The following NASP variants were observed in gnomAD, a reference collection of about 807,000 sequenced individuals.
NASP encodes the protein NASP histone chaperone.
A neutral mutation model predicts 89.5 loss-of-function variants in NASP; 24 were observed. The ratio of observed to expected loss-of-function variants is 0.27; its 90% CI spans 0.19 to 0.38. The LOEUF is 0.38. Among genes scored for constraint, NASP ranks in the 10% least tolerant of loss-of-function variants. The pLI, the probability that NASP is intolerant of heterozygous loss-of-function variation, is 1.00. For missense variants in NASP, 848 were observed against 921.4 expected (o/e 0.92, Z 1.03); for synonymous variants, 306 against 324.7 (o/e 0.94, Z 0.62).
In NASP at chr1:45,616,326, A is replaced by C. The variant is rs770417567; in HGVS notation, c.2023-11A>C. 1 of 1,613,658 alleles carries C rather than the reference A, an allele frequency of 6.2e-7. No homozygotes were observed. The highest frequency in any genetic ancestry group is 8.5e-7 in the Non-Finnish European group (1 of 1,179,794). On this transcript the variant is annotated splice_polypyrimidine_tract_variant and intron_variant, in intron 11 of 14. Coordinates refer to ENST00000350030, the MANE Select transcript of NASP (RefSeq NM_002482.4). ...ATCTTCAAACTAATTTGGATTTGTC[A>C]TTTCTCGCAGGTGGAGAGTTCTACT...
At chr1:45,605,703 C>G (rs1203515443) in intron 4 of NASP, 1 of 151,278 alleles carries the variant, frequency 6.6e-6, no homozygotes, top group African/African-American at 2.4e-5. Flanking sequence ...CTCAGGTGAT[C>G]CACCCACCTC....
At chr1:45,600,659 A>T (rs181436961) in intron 2 of NASP, among the ~76,000 whole-genome samples, 1 of 152,290 alleles carries the variant, frequency 6.6e-6, no homozygotes, top group African/African-American at 2.4e-5. Context: ...TTTGTGTACA[A>T]GTCTTTGTAT....
chr1:45,605,111 A>T (rs1643891172), intron 4 of NASP, 95 bp downstream of exon 4: 13 of 979,136 alleles, frequency 1.3e-5, no homozygotes, highest in Non-Finnish European at 2.1e-5. Context: ...GGTTTTACCT[A>T]GAGAGTTTTG....
chr1:45,590,543 C>G (rs1168988260), intron 1 of NASP, among the ~76,000 whole-genome samples: 1 of 135,602 alleles, frequency 7.4e-6, no homozygotes, highest in Non-Finnish European at 1.5e-5. Flanking sequence ...GAGCAAGACT[C>G]TGTCTCAAAA....
rs1238926204 is a variant in NASP at position 45,617,342 on chromosome 1, C to T, written c.2158-121C>T. On this transcript the variant is annotated intron_variant, in intron 13 of 14. Coordinates refer to ENST00000350030, the MANE Select transcript of NASP (RefSeq NM_002482.4). ...CTGCCTGTGGCTAGGGAGAGAGACC[C>T]TTAGAGCTGTGAATCCTGATGTTCA... 4.2e-6 allele frequency: 5 copies of T among 1,198,002 alleles called. No homozygotes were observed. In the South Asian group the frequency reaches 5.8e-5, roughly 14 times the overall value. The allele number at this position is 1,198,002 out of a possible 1,614,324, so 74.2% of individuals were successfully genotyped here.
chr1:45,588,161 T>C (rs894177679), intron 1 of NASP, among the ~76,000 whole-genome samples: 2 of 152,146 alleles, frequency 1.3e-5, no homozygotes, highest in East Asian at 3.9e-4. Context: ...TGGAGTGCAC[T>C]GGTGCGATCT....
rs1241119987 is a variant in NASP, at chr1:45,590,422, GGCACCGGC to G, written c.60-800_60-793del. 4.2e-4 allele frequency among the ~76,000 whole-genome samples: 63 copies of G among 151,612 alleles called. 1 individual carries two copies. In the Middle Eastern group the frequency reaches 0.028, roughly 66 times the overall value. On this transcript the variant is annotated intron_variant, in intron 1 of 14. Coordinates refer to ENST00000350030, the MANE Select transcript of NASP (RefSeq NM_002482.4). ...AGCCGGGCATGGTGGCCGGTGCACA[GGCACCGGC>G]CTGGCACCAGGCCCAGGCTGAGGCA...
At chr1:45,587,506 G>A (rs143622512) in intron 1 of NASP, among the ~76,000 whole-genome samples, 5 of 151,718 alleles carry the variant, frequency 3.3e-5, no homozygotes, top group African/African-American at 9.7e-5. Flanking sequence ...GGATGGTGCC[G>A]TGTATGGTCT....
rs1391611532 is a variant in NASP at position 45,616,521 on chromosome 1, G to A, written c.2080-105G>A. The A allele has an allele frequency of 4.7e-6, 7 of 1,494,708 alleles. No homozygotes were observed. In the African/African-American group the frequency reaches 9.7e-5, roughly 21 times the overall value. 92.6% of individuals were successfully genotyped at this position (1,494,708 alleles called of 1,614,324 possible). On this transcript the variant is annotated intron_variant, in intron 12 of 14. Coordinates refer to ENST00000350030, the MANE Select transcript of NASP (RefSeq NM_002482.4). The stretch of plus-strand genomic sequence containing the variant: ...AGGCTTGGAATTCAACACTAGCTTG[G>A]GCAACATAGTGAGACCTTGTCTCTG...
At chr1:45,614,433 C>A in intron 9 of NASP, 67 bp downstream of exon 9, 2 of 1,249,932 alleles carry the variant, frequency 1.6e-6, no homozygotes, top group Admixed American at 3.4e-5. Flanking sequence ...CTAATAGATT[C>A]TCTGGAACCG....
intron 1 of NASP, among the ~76,000 whole-genome samples, chr1:45,586,309 G>GTGTGT (rs1420228919): frequency 7.4e-6 from 1 of 136,000 alleles, no homozygotes; most frequent in African/African-American, 2.8e-5. Context: ...GTGTGTGTGT[G>GTGTGT]GTGTGTGTGT....
At chr1:45,588,545 A>T (rs1011748736) in intron 1 of NASP, 3 of 407,156 alleles carry the variant, frequency 7.4e-6, no homozygotes, top group Non-Finnish European at 1.5e-5. Context: ...CTAGCCTTGA[A>T]TTTCTGTTAG....
intron 2 of NASP, among the ~76,000 whole-genome samples, chr1:45,597,334 C>T (rs1471328372): frequency 1.6e-5 from 2 of 125,794 alleles, no homozygotes; most frequent in Non-Finnish European, 3.2e-5. Context: ...AGACAAATGA[C>T]CACTTGTTGG....
chr1:45,591,548 C>A (rs1381163187), intron 2 of NASP, among the ~76,000 whole-genome samples: 1 of 151,838 alleles, frequency 6.6e-6, no homozygotes, highest in Non-Finnish European at 1.5e-5. Context: ...GAGATGGGGT[C>A]TTGCTATGTT....
intron 2 of NASP, among the ~76,000 whole-genome samples, chr1:45,593,000 C>T (rs1261858152): frequency 6.6e-6 from 1 of 152,196 alleles, no homozygotes; most frequent in African/African-American, 2.4e-5. Flanking sequence ...ATTTTCACAT[C>T]ACTCTAATAT....
intron 1 of NASP, among the ~76,000 whole-genome samples, chr1:45,588,022 T>G (rs575128711): frequency 2.6e-4 from 39 of 151,642 alleles, no homozygotes; most frequent in South Asian, 1.2e-3. Flanking sequence ...GGCATATCAC[T>G]TGAAGCCAGG....
intron 6 of NASP, among the ~76,000 whole-genome samples, chr1:45,608,858 C>T (rs776512935): frequency 2.6e-4 from 39 of 152,186 alleles, no homozygotes; most frequent in Non-Finnish European, 5.4e-4. Context: ...AGGCAGTTAA[C>T]CTTGACTGTT....
At chr1:45,595,130 TGTGTG>T (rs1435442931) in intron 2 of NASP, among the ~76,000 whole-genome samples, 2 of 3,602 alleles carry the variant, frequency 5.6e-4, no homozygotes, top group Non-Finnish European at 1.3e-3. Flanking sequence ...GACTAAGTTT[TGTGTG>T]TGTGTGTGTG....
intron 2 of NASP, chr1:45,594,596 C>T (rs886354381): frequency 2.5e-6 from 1 of 392,424 alleles, no homozygotes. Flanking sequence ...CCTTGACCTT[C>T]CCTGGGCTCA....
Sources: gnomAD v4.1 joint callset for allele counts (sites outside exome capture counted in the v4.1 genomes callset) on GRCh38, gnomAD v4.1.1 for gene constraint, MANE v1.5 for transcripts, NCBI Gene and HGNC (gene_info 2026-07-23, HGNC 2026-07-21) for gene names.